LRBA: variants seen among roughly 807,000 people sequenced by gnomAD.
LRBA encodes lipopolysaccharide-responsive and beige-like anchor protein.
In LRBA, 176 loss-of-function variants were observed where a neutral mutation model predicts 330.0. That is an observed-to-expected ratio of 0.53 (90% CI 0.47 to 0.60). The LOEUF (loss-of-function observed/expected upper bound fraction) is 0.60. Among genes scored for constraint, LRBA ranks in the 20% least tolerant of loss-of-function variants. The pLI is 0.00. For synonymous variants in LRBA, 1,230 were observed against 1,193.0 expected (o/e 1.03, Z -0.64); for missense variants, 3,259 against 3,444.8 (o/e 0.95, Z 1.35).
chr4:150,267,368 A>G (rs1202336513), intron 56 of LRBA, among the ~76,000 whole-genome samples: 3 of 152,220 alleles, frequency 2.0e-5, no homozygotes, highest in Admixed American at 2.0e-4. Flanking sequence ...ACTAGGTACC[A>G]ATAACTGAAG....
At chr4:150,809,796 C>T (rs1966844) in intron 31 of LRBA, among the ~76,000 whole-genome samples, 13,814 of 151,704 alleles carry the variant, frequency 0.091, 1,119 homozygotes, top group African/African-American at 0.21. Flanking sequence ...TGCAGTGTGC[C>T]AAGACTGCAC....
intron 36 of LRBA, among the ~76,000 whole-genome samples, chr4:150,708,907 C>A (rs767415151): frequency 2.6e-5 from 4 of 151,628 alleles, no homozygotes; most frequent in Non-Finnish European, 5.9e-5. Context: ...TGAATACAAC[C>A]CTTTCAGTCA....
intron 2 of LRBA, among the ~76,000 whole-genome samples, chr4:150,998,600 C>T (rs541884110): frequency 2.8e-4 from 42 of 152,048 alleles, no homozygotes; most frequent in Non-Finnish European, 5.1e-4. Flanking sequence ...AGCAGTCCTC[C>T]CACCTGAGCC....
chr4:150,950,824 G>T (rs1008015864), intron 2 of LRBA, among the ~76,000 whole-genome samples: 8 of 152,152 alleles, frequency 5.3e-5, no homozygotes, highest in African/African-American at 1.9e-4. Context: ...TCACAGAGAG[G>T]TCACTTAAGT....
At chr4:150,297,574 G>GAC (rs1729129102) in intron 53 of LRBA, among the ~76,000 whole-genome samples, 1 of 152,202 alleles carries the variant, frequency 6.6e-6, no homozygotes, top group Non-Finnish European at 1.5e-5. Context: ...GTCTTGATGA[G>GAC]ACACACACAA....
At chr4:150,715,786 A>G (rs1728111747) in intron 36 of LRBA, among the ~76,000 whole-genome samples, 1 of 152,214 alleles carries the variant, frequency 6.6e-6, no homozygotes, top group Admixed American at 6.5e-5. Flanking sequence ...GAACCCAAAA[A>G]CTAGCTAAGT....
intron 37 of LRBA, among the ~76,000 whole-genome samples, chr4:150,605,804 A>C (rs1417312541): frequency 1.3e-5 from 2 of 152,166 alleles, no homozygotes; most frequent in African/African-American, 4.8e-5. Context: ...AAGAAAATTA[A>C]CTAAAACCTC....
chr4:150,834,768 C>A (rs1442549546), intron 28 of LRBA, among the ~76,000 whole-genome samples: 1 of 152,186 alleles, frequency 6.6e-6, no homozygotes, highest in South Asian at 2.1e-4. Context: ...TGAAGCCAGG[C>A]ATTGACTTCC....
intron 42 of LRBA, among the ~76,000 whole-genome samples, chr4:150,485,774 T>C (rs1454731972): frequency 6.6e-6 from 1 of 152,012 alleles, no homozygotes; most frequent in Non-Finnish European, 1.5e-5. Flanking sequence ...TGTGGTACTT[T>C]GTTATGACAG....
intron 47 of LRBA, among the ~76,000 whole-genome samples, chr4:150,388,642 T>C (rs1161727852): frequency 6.6e-6 from 1 of 152,192 alleles, no homozygotes; most frequent in East Asian, 1.9e-4. Context: ...AATTGTGATA[T>C]AATTTTTTAA....
intron 44 of LRBA, among the ~76,000 whole-genome samples, chr4:150,437,939 A>G (rs1353395377): frequency 6.6e-6 from 1 of 152,224 alleles, no homozygotes; most frequent in Non-Finnish European, 1.5e-5. Context: ...GTAATACACG[A>G]ACTCCATTAA....
chr4:150,299,731 C>T (rs768615613), intron 53 of LRBA, among the ~76,000 whole-genome samples: 5 of 151,738 alleles, frequency 3.3e-5, no homozygotes, highest in Non-Finnish European at 5.9e-5. Flanking sequence ...TAAAAAAACC[C>T]TGAGATAGAC....
intron 28 of LRBA, among the ~76,000 whole-genome samples, chr4:150,839,403 T>A (rs555566370): frequency 1.3e-5 from 2 of 152,252 alleles, no homozygotes; most frequent in South Asian, 4.1e-4. Flanking sequence ...ACTCAAAGGA[T>A]TATAAATCAT....
chr4:150,936,427 G>A (rs1464085942), intron 2 of LRBA, among the ~76,000 whole-genome samples: 1 of 151,824 alleles, frequency 6.6e-6, no homozygotes, highest in African/African-American at 2.4e-5. Context: ...AGTATTCTCA[G>A]GAAGATAATT....
chr4:150,446,448 G>C lies in LRBA; in HGVS notation c.6781-9584C>G, dbSNP rs142125543. Among the ~76,000 whole-genome samples, 246 of 152,266 alleles carry C rather than the reference G, an allele frequency of 1.6e-3. 7 individuals carry two copies. The East Asian group carries it at 0.028, about 17-fold the overall frequency. On this transcript the variant is annotated intron_variant, in intron 44 of 56. Coordinates refer to ENST00000651943, the MANE Select transcript of LRBA (RefSeq NM_001364905.1). ...TCTCATGACTTAAGAATAGCCATGGGTCATACATAAGAGCTGGTAAATGTT... is the reference window on the plus strand; with the variant it reads ...TCTCATGACTTAAGAATAGCCATGGCTCATACATAAGAGCTGGTAAATGTT...
At chr4:150,636,158 CT>C (rs70941419) in intron 37 of LRBA, among the ~76,000 whole-genome samples, 2,346 of 112,874 alleles carry the variant, frequency 0.021, 17 homozygotes, top group Non-Finnish European at 0.029. Flanking sequence ...ACCTACCAAG[CT>C]TTTTTTTTTT....
chr4:150,267,239 A>AT (rs947804748), intron 56 of LRBA, among the ~76,000 whole-genome samples: 8 of 152,170 alleles, frequency 5.3e-5, no homozygotes, highest in African/African-American at 1.4e-4. Flanking sequence ...TAGAATATAC[A>AT]TTTTTTTGCA....
At chr4:150,506,741 GAGAA>G (rs1203557012) in intron 40 of LRBA, among the ~76,000 whole-genome samples, 1 of 152,188 alleles carries the variant, frequency 6.6e-6, no homozygotes, top group Non-Finnish European at 1.5e-5. Context: ...AATCCGTCAG[GAGAA>G]AGAAAGAAAG....
intron 34 of LRBA, among the ~76,000 whole-genome samples, chr4:150,769,359 GAGAA>G (rs1736240575): frequency 1.3e-5 from 2 of 152,184 alleles, no homozygotes; most frequent in South Asian, 4.2e-4. Context: ...GAGACAGAGA[GAGAA>G]AGAGAGAAGA....
Sources: allele counts gnomAD v4.1 joint callset (sites outside exome capture counted in the v4.1 genomes callset), GRCh38; gene constraint gnomAD v4.1.1; transcripts MANE v1.5; gene names NCBI Gene and HGNC (gene_info 2026-07-23, HGNC 2026-07-21).